Variants in PAK3 observed in about 807,000 individuals in gnomAD.
The protein encoded by PAK3 is p21 (RAC1) activated kinase 3.
In PAK3, 4 loss-of-function variants were observed where a neutral mutation model predicts 41.0. The ratio of observed to expected loss-of-function variants is 0.10; its 90% confidence interval spans 0.05 to 0.22. The LOEUF (loss-of-function observed/expected upper bound fraction) is 0.22, where lower values mean the gene tolerates loss of function less well. PAK3 is among the 10% of genes least tolerant of loss of function. The pLI, the probability that PAK3 is intolerant of heterozygous loss-of-function variation, is 1.00. For synonymous variants in PAK3, 146 were observed against 139.6 expected (o/e 1.05, Z -0.32); for missense variants, 205 against 409.9 (o/e 0.50, Z 4.32).
At chrX:111,209,387 A>T (rs1339683274) in intron 16 of PAK3, among the ~76,000 whole-genome samples, 1 of 112,250 alleles carries the variant, frequency 8.9e-6, no homozygotes, top group Non-Finnish European at 1.9e-5. Flanking sequence ...TTTATATGTA[A>T]ATTGCACAAG....
Position 111,183,602 on chromosome X carries a change from C to G in PAK3, c.831-8525C>G, listed in dbSNP as rs757494055. Among the ~76,000 whole-genome samples, 9 of 111,495 alleles carry G rather than the reference C, an allele frequency of 8.1e-5. No individual in the cohort carries two copies. The East Asian group carries it at 2.6e-3, about 32-fold the overall frequency. On this transcript the variant is annotated intron_variant, in intron 11 of 17. Transcript: ENST00000372007. ...CTCTAATCCATTTCCATGCTGAAAT[C>G]AAAGTGACTTATCTAAATTATTAGT...
At chrX:111,111,202 C>T (rs1341882154) in intron 4 of PAK3, among the ~76,000 whole-genome samples, 1 of 112,246 alleles carries the variant, frequency 8.9e-6, no homozygotes, top group Non-Finnish European at 1.9e-5. Flanking sequence ...TTGTATCTGT[C>T]TTAATATTGC....
At chrX:111,023,592 C>A (rs1055361446) in intron 1 of PAK3, among the ~76,000 whole-genome samples, 35 of 112,068 alleles carry the variant, frequency 3.1e-4, no homozygotes, top group African/African-American at 1.1e-3. Flanking sequence ...TTCTAACAGG[C>A]ATGAGATAGT....
rs770651270 is a variant in PAK3, at chrX:111,162,406, G to A, written c.469-509G>A. 2.5e-3 allele frequency among the ~76,000 whole-genome samples: 274 copies of A among 111,469 alleles called. 1 individual carries two copies. Among genetic ancestry groups the A allele is most frequent in the African/African-American group, 8.4e-3 (259 of 30,730 alleles). On this transcript the variant is annotated intron_variant, in intron 8 of 17. Transcript: ENST00000372007. ...TGCTTCTTTCCAGGAGGCTGGACAGGGAAGAGACATTTATTGGCTTGTTTG... is the reference window on the plus strand; with the variant it reads ...TGCTTCTTTCCAGGAGGCTGGACAGAGAAGAGACATTTATTGGCTTGTTTG...
chrX:111,153,906 A>G (rs1220247343), intron 8 of PAK3, among the ~76,000 whole-genome samples: 1 of 112,038 alleles, frequency 8.9e-6, no homozygotes, highest in Admixed American at 9.5e-5. Flanking sequence ...GTGTCCATCA[A>G]CAGATGAAGG....
chrX:110,990,687 C>A (rs1373291938), intron 1 of PAK3, among the ~76,000 whole-genome samples: 1 of 109,550 alleles, frequency 9.1e-6, no homozygotes, highest in Non-Finnish European at 1.9e-5. Flanking sequence ...GGGGCAACAG[C>A]ACAAATAAGG....
chrX:111,056,232 C>A (rs1229782106), intron 1 of PAK3, among the ~76,000 whole-genome samples: 1 of 111,308 alleles, frequency 9.0e-6, no homozygotes, highest in Non-Finnish European at 1.9e-5. Flanking sequence ...AGTAAGCAAG[C>A]CCCCAAGCCA....
At chrX:111,193,924 A>G (rs1345866375) in intron 13 of PAK3, among the ~76,000 whole-genome samples, 2 of 111,929 alleles carry the variant, frequency 1.8e-5, no homozygotes, top group African/African-American at 6.5e-5. Context: ...CAGTTTGAGC[A>G]CCACTGGATA....
rs183445841 is a variant in PAK3, at chrX:110,959,304, G to T, written c.-28+14676G>T. Among the ~76,000 whole-genome samples the T allele has an allele frequency of 1.1e-3, 126 of 111,978 alleles. 1 individual carries two copies. The highest frequency in any genetic ancestry group is 4.0e-3 in the African/African-American group (123 of 30,858). On this transcript the variant is annotated intron_variant, in intron 1 of 14. Transcript: ENST00000425146. ...TCGAGACATCTTAATTCCCCATAAT[G>T]CCTCTCCATTTCTGCAATCCACTGC...
intron 10 of PAK3, among the ~76,000 whole-genome samples, chrX:111,168,176 A>AT (rs1387151019): frequency 8.9e-6 from 1 of 112,162 alleles, no homozygotes; most frequent in Non-Finnish European, 1.9e-5. Context: ...GTCAGAAAAT[A>AT]TATTGATGGG....
At chrX:111,151,636 T>A (rs2094028044) in intron 7 of PAK3, among the ~76,000 whole-genome samples, 1 of 112,318 alleles carries the variant, frequency 8.9e-6, no homozygotes, top group South Asian at 3.7e-4. Flanking sequence ...TGGATAGTAC[T>A]GAACCTTATG....
intron 7 of PAK3, among the ~76,000 whole-genome samples, chrX:111,148,408 G>T (rs758464947): frequency 8.9e-6 from 1 of 111,980 alleles, no homozygotes; most frequent in African/African-American, 3.2e-5. Flanking sequence ...GCCAAATCTT[G>T]ACCTTATTTG....
At chrX:111,163,281 G>A (rs1329644541) in intron 9 of PAK3, among the ~76,000 whole-genome samples, 3 of 111,331 alleles carry the variant, frequency 2.7e-5, no homozygotes, top group Non-Finnish European at 5.7e-5. Context: ...TAATAAAAAT[G>A]TTGGAGAAGT....
At position 111,201,882 on chromosome X, in the gene PAK3, A is replaced by G. The variant is rs549871654; in HGVS notation, c.1407+5242A>G. ...ATGTATATATGGATAGTAAAGTAGT[A>G]AGATAGGAAAAACAGAGAAAGGATG... On this transcript the variant is annotated intron_variant, in intron 16 of 17. Coordinates refer to ENST00000372007, the MANE Select transcript of PAK3 (RefSeq NM_002578.5). Among the ~76,000 whole-genome samples, 3 of 110,858 alleles carry G rather than the reference A, an allele frequency of 2.7e-5. No homozygotes were observed. The South Asian group carries it at 1.2e-3, about 43-fold the overall frequency.
chrX:111,155,585 A>C lies in PAK3; in HGVS notation c.468+3138A>C, dbSNP rs138839157. ...TGCTATGAGATTTCAGAGAAAGTAG[A>C]TTGCTTTTAGCTGGGGAGGGAAAGG... is the stretch of plus-strand genomic sequence containing the variant. On this transcript the variant is annotated intron_variant, in intron 8 of 17. Transcript: ENST00000372007. 1.8e-3 allele frequency among the ~76,000 whole-genome samples: 198 copies of C among 110,956 alleles called. 1 individual carries two copies. The highest frequency in any genetic ancestry group is 6.2e-3 in the African/African-American group (188 of 30,543).
intron 1 of PAK3, among the ~76,000 whole-genome samples, chrX:111,044,742 G>A (rs771027904): frequency 7.1e-5 from 8 of 112,374 alleles, no homozygotes; most frequent in Non-Finnish European, 1.5e-4. Flanking sequence ...GTGCTTTTAC[G>A]CATGAGTGTT....
At chrX:111,049,663 G>A (rs1244541393) in intron 1 of PAK3, among the ~76,000 whole-genome samples, 1 of 112,075 alleles carries the variant, frequency 8.9e-6, no homozygotes, top group Non-Finnish European at 1.9e-5. Flanking sequence ...CTAGTACAGA[G>A]TATCAAAACT....
intron 1 of PAK3, among the ~76,000 whole-genome samples, chrX:111,055,626 G>A (rs190624844): frequency 3.6e-4 from 40 of 112,340 alleles, no homozygotes; most frequent in Middle Eastern, 4.6e-3. Context: ...TCAGGACACT[G>A]ACTGGAGCAG....
chrX:111,076,681 T>C (rs2092788475), intron 1 of PAK3, among the ~76,000 whole-genome samples: 1 of 111,870 alleles, frequency 8.9e-6, no homozygotes, highest in South Asian at 3.8e-4. Flanking sequence ...TTCAACACAA[T>C]GAAGGTCATG....
Sources: allele counts gnomAD v4.1 joint callset (sites outside exome capture counted in the v4.1 genomes callset), GRCh38; gene constraint gnomAD v4.1.1; transcripts MANE v1.5; gene names NCBI Gene and HGNC (gene_info 2026-07-23, HGNC 2026-07-21).